SSBP3: variants seen among roughly 807,000 people sequenced by gnomAD.
SSBP3 encodes the protein single stranded DNA binding protein 3.
A neutral mutation model predicts 69.6 loss-of-function variants in SSBP3; 5 were observed. The observed-to-expected ratio is 0.07, with a 90% CI of 0.04 to 0.15. The LOEUF (loss-of-function observed/expected upper bound fraction) is 0.15, where lower values mean the gene tolerates loss of function less well. Ranked by LOEUF, SSBP3 falls within the 10% of genes least tolerant of loss-of-function variation. SSBP3 has a pLI of 1.00. For synonymous variants in SSBP3, 196 were observed against 193.4 expected (o/e 1.01, Z -0.11); for missense variants, 312 against 534.0 (o/e 0.58, Z 4.10).
chr1:54,365,071 G>A (rs992930782), intron 4 of SSBP3, among the ~76,000 whole-genome samples: 4 of 152,220 alleles, frequency 2.6e-5, no homozygotes, highest in African/African-American at 9.6e-5. Context: ...GGCTGAGAAG[G>A]AGGGTCAGCA....
intron 2 of SSBP3, 48 bp downstream of exon 2, chr1:54,404,810 G>GT: frequency 2.7e-6 from 2 of 729,828 alleles, no homozygotes; most frequent in Non-Finnish European, 2.0e-6. Flanking sequence ...AAGAATAGTG[G>GT]GGGGGGGGGG....
intron 4 of SSBP3, among the ~76,000 whole-genome samples, chr1:54,367,884 T>C (rs1433049674): frequency 6.6e-6 from 1 of 152,168 alleles, no homozygotes; most frequent in East Asian, 1.9e-4. Flanking sequence ...ATTTACATTA[T>C]GAGAAAGCTG....
At chr1:54,279,503 G>A (rs1014991219) in intron 5 of SSBP3, among the ~76,000 whole-genome samples, 3 of 152,222 alleles carry the variant, frequency 2.0e-5, no homozygotes, top group Admixed American at 1.3e-4. Flanking sequence ...ACTAGGTATT[G>A]TCTACCTCTT....
At chr1:54,323,494 C>T (rs1000235909) in intron 4 of SSBP3, among the ~76,000 whole-genome samples, 3 of 152,158 alleles carry the variant, frequency 2.0e-5, no homozygotes, top group Non-Finnish European at 1.5e-5. Flanking sequence ...GGAGGTGTTG[C>T]TCCAGCCTCC....
chr1:54,312,854 G>C (rs1165386299), intron 4 of SSBP3, among the ~76,000 whole-genome samples: 1 of 152,136 alleles, frequency 6.6e-6, no homozygotes, highest in Non-Finnish European at 1.5e-5. Context: ...TCCCCCTCCA[G>C]TGGGGGTTGA....
chr1:54,405,912 C>A (rs780224930), intron 1 of SSBP3, 41 bp downstream of exon 1: 127 of 1,240,658 alleles, frequency 1.0e-4, no homozygotes, highest in Non-Finnish European at 5.0e-5. Context: ...CCGCCCGCAG[C>A]CCGGCGGCGG....
intron 5 of SSBP3, among the ~76,000 whole-genome samples, chr1:54,267,256 A>C (rs1645117701): frequency 6.6e-6 from 1 of 152,208 alleles, no homozygotes; most frequent in East Asian, 1.9e-4. Context: ...TTCCACATGT[A>C]TCCATACAAC....
At chr1:54,374,197 C>G (rs1016703921) in intron 4 of SSBP3, among the ~76,000 whole-genome samples, 3 of 152,194 alleles carry the variant, frequency 2.0e-5, no homozygotes, top group African/African-American at 7.2e-5. Flanking sequence ...GCAGGTAAGA[C>G]GCAGGTGCGC....
intron 9 of SSBP3, among the ~76,000 whole-genome samples, chr1:54,251,024 A>G (rs1644819784): frequency 6.6e-6 from 1 of 152,182 alleles, no homozygotes; most frequent in Middle Eastern, 3.2e-3. Context: ...TGGTCAAAGA[A>G]TCCCGGCTGA....
chr1:54,251,415 C>A (rs1484174483), intron 9 of SSBP3, among the ~76,000 whole-genome samples: 1 of 152,246 alleles, frequency 6.6e-6, no homozygotes, highest in Non-Finnish European at 1.5e-5. Context: ...ACTCTGCCTG[C>A]CATCTGCAAG....
chr1:54,391,489 A>T (rs1196424231), intron 4 of SSBP3, among the ~76,000 whole-genome samples: 1 of 152,210 alleles, frequency 6.6e-6, no homozygotes, highest in Non-Finnish European at 1.5e-5. Context: ...CCCCTCTCAG[A>T]GCTCAAAGCG....
intron 4 of SSBP3, among the ~76,000 whole-genome samples, chr1:54,348,705 G>A (rs555916133): frequency 1.3e-5 from 2 of 152,336 alleles, no homozygotes; most frequent in African/African-American, 4.8e-5. Context: ...AGGGTCTGTG[G>A]TCATGGGGCA....
intron 5 of SSBP3, among the ~76,000 whole-genome samples, chr1:54,269,819 C>T (rs534745226): frequency 6.6e-6 from 1 of 152,250 alleles, no homozygotes; most frequent in Admixed American, 6.5e-5. Context: ...AGGGCTAGAC[C>T]ACAAAGAGCT....
At chr1:54,228,850 G>A in intron 14 of SSBP3, 24 bp from the exon 15 acceptor site, 2 of 1,606,554 alleles carry the variant, frequency 1.2e-6, no homozygotes, top group Non-Finnish European at 1.7e-6. Context: ...ACAGGGCATG[G>A]CAGCTCAGCG....
At chr1:54,286,861 C>A (rs1186156356) in intron 4 of SSBP3, 1 of 152,228 alleles carries the variant, frequency 6.6e-6, no homozygotes, top group African/African-American at 2.4e-5. Flanking sequence ...CTGTGCCGGG[C>A]ATAGGGACCT....
chr1:54,329,402 T>C (rs992712498), intron 4 of SSBP3, among the ~76,000 whole-genome samples: 1 of 152,234 alleles, frequency 6.6e-6, no homozygotes, highest in Non-Finnish European at 1.5e-5. Context: ...CTTTCTTCCT[T>C]CAAGGAGCAT....
At chr1:54,263,779 AG>A (rs1645055472) in intron 5 of SSBP3, among the ~76,000 whole-genome samples, 3 of 152,208 alleles carry the variant, frequency 2.0e-5, no homozygotes, top group Non-Finnish European at 4.4e-5. Flanking sequence ...GGGCCCAAAC[AG>A]AGCAGCAGGG....
intron 10 of SSBP3, among the ~76,000 whole-genome samples, chr1:54,242,672 G>C (rs958973319): frequency 6.6e-5 from 10 of 152,102 alleles, no homozygotes; most frequent in Admixed American, 1.3e-4. Context: ...GCGTCAGGCC[G>C]GGCACGGTGG....
In SSBP3 at chr1:54,258,191, C is replaced by A; in HGVS notation, c.367-42G>T. 6.9e-7 allele frequency: 1 copy of A among 1,452,954 alleles called. No individual in the cohort carries two copies. Among genetic ancestry groups the A allele is most frequent in the Non-Finnish European group, 9.2e-7 (1 of 1,091,378 alleles). The allele number at this position is 1,452,954 out of a possible 1,614,324, so 90.0% of individuals were successfully genotyped here. On this transcript the variant is annotated intron_variant, in intron 5 of 17. Coordinates refer to ENST00000610401, the Ensembl canonical transcript of SSBP3. This position sits in a 1 kb window ranked among gnomAD's most constrained non-coding sequence, Gnocchi z 4.5. ...TAGAGGCAGGTTATAGATCACAGCA[C>A]ATGGAGAAGCGCAGAAGCAGCTTAA...
Sources: gnomAD v4.1 joint callset for allele counts (sites outside exome capture counted in the v4.1 genomes callset) on GRCh38, gnomAD v4.1.1 for gene constraint, Gnocchi (gnomAD v3.1) non-coding constraint, MANE v1.5 for transcripts, NCBI Gene and HGNC (gene_info 2026-07-23, HGNC 2026-07-21) for gene names.